ANO1: variants seen among roughly 807,000 people sequenced by gnomAD.
ANO1 encodes anoctamin-1.
ANO1 carries 59 observed loss-of-function variants against 124.0 expected under a neutral mutation model. The ratio of observed to expected loss-of-function variants is 0.48; its 90% CI spans 0.39 to 0.59. The LOEUF is 0.59. ANO1 is among the 20% of genes least tolerant of loss of function. The pLI is 0.00. For missense variants in ANO1, 1,059 were observed against 1,328.0 expected (o/e 0.80, Z 3.15); for synonymous variants, 529 against 532.0 (o/e 0.99, Z 0.08).
intron 1 of ANO1, among the ~76,000 whole-genome samples, chr11:70,034,339 C>G (rs2135038722): frequency 6.6e-6 from 1 of 152,162 alleles, no homozygotes; most frequent in East Asian, 1.9e-4. Flanking sequence ...AGCTGAGGGG[C>G]TCAGGAAGCT....
At chr11:70,031,721 A>T (rs1555003831) in intron 1 of ANO1, among the ~76,000 whole-genome samples, 1 of 152,166 alleles carries the variant, frequency 6.6e-6, no homozygotes. Flanking sequence ...AGTGGCTGTC[A>T]CTGCCGCTGT....
the ANO1 span, among the ~76,000 whole-genome samples, chr11:69,968,443 G>C: frequency 6.6e-6 from 1 of 152,198 alleles, no homozygotes; most frequent in Non-Finnish European, 1.5e-5. Context: ...GGAAAAGAAC[G>C]GATTTTTATT....
rs1370329749 is a variant in ANO1 at position 70,164,021 on chromosome 11, TC to T, written c.1950+682del. 2.6e-5 allele frequency among the ~76,000 whole-genome samples: 4 copies of T among 151,864 alleles called. No homozygotes were observed. The East Asian group carries it at 7.7e-4, about 29-fold the overall frequency. On this transcript the variant is annotated intron_variant, in intron 19 of 25. Transcript: ENST00000355303. ...TTTTTACTCGACATTGAAATGCTTGTCTCTTTACCCTCAAACACCATGCTGG... is the reference window on the plus strand; with the variant it reads ...TTTTTACTCGACATTGAAATGCTTGTTCTTTACCCTCAAACACCATGCTGG...
chr11:70,101,143 T>C (rs969897753), intron 2 of ANO1, among the ~76,000 whole-genome samples: 1 of 151,962 alleles, frequency 6.6e-6, no homozygotes, highest in African/African-American at 2.4e-5. Context: ...TCCTCGGTGG[T>C]CACCTGAGGT....
intron 1 of ANO1, among the ~76,000 whole-genome samples, chr11:69,990,482 A>G (rs1554997327): frequency 2.0e-5 from 3 of 152,160 alleles, no homozygotes. Flanking sequence ...TTGAGTTCCT[A>G]TTGTCAAATT....
At chr11:69,994,092 A>C (rs1856210983) in intron 1 of ANO1, among the ~76,000 whole-genome samples, 2 of 61,942 alleles carry the variant, frequency 3.2e-5, no homozygotes, top group African/African-American at 8.7e-5. Flanking sequence ...TACACCCCCA[A>C]TTTGTCGTTA....
At chr11:70,013,675 G>A (rs1309374290) in intron 1 of ANO1, among the ~76,000 whole-genome samples, 2 of 152,010 alleles carry the variant, frequency 1.3e-5, no homozygotes, top group Non-Finnish European at 2.9e-5. Context: ...GGTGACGCAT[G>A]CCTCAAGTCC....
chr11:70,045,330 A>G (rs1857242499), intron 1 of ANO1, among the ~76,000 whole-genome samples: 1 of 152,230 alleles, frequency 6.6e-6, no homozygotes, highest in African/African-American at 2.4e-5. Context: ...ACTCACAAGT[A>G]CTCTAGAAGC....
rs775016917 is a variant in ANO1, at chr11:70,078,681, C to G, written c.75C>G (p.Ile25Met). ...TCCACATCATCAACATCTGCGCCAT[C>G]GAGGACATCGGCTACCTGCCGTCCG... ...RSVHIINICAIEDIGYLPSEG... is the reference protein window; with the variant it reads ...RSVHIINICAMEDIGYLPSEG... Residue 25 changes from isoleucine (I) to methionine (M), a missense_variant, in exon 1 of 26, where the codon ATC (isoleucine) becomes ATG (methionine). By Grantham distance (10) the Ile-to-Met change is conservative. Around this residue, in one of 2 missense-constraint regions of ANO1, gnomAD observed 250 missense variants for 233.1 expected, o/e 1.07. Coordinates refer to ENST00000355303, the MANE Select transcript of ANO1 (RefSeq NM_018043.7). 5 of 1,493,784 alleles carry G rather than the reference C, an allele frequency of 3.3e-6. No individual in the cohort carries two copies. Among genetic ancestry groups the G allele is most frequent in the Middle Eastern group, 1.8e-4 (1 of 5,518 alleles). 92.5% of individuals were successfully genotyped at this position (1,493,784 alleles called of 1,614,324 possible).
chr11:70,065,920 C>T (rs573052983), intron 1 of ANO1, among the ~76,000 whole-genome samples: 6 of 152,252 alleles, frequency 3.9e-5, no homozygotes, highest in South Asian at 2.1e-4. Flanking sequence ...CCCCCACACT[C>T]GCTAGCCCGC....
intron 1 of ANO1, among the ~76,000 whole-genome samples, chr11:70,071,145 T>C (rs923200484): frequency 3.9e-5 from 6 of 152,234 alleles, no homozygotes; most frequent in African/African-American, 1.4e-4. Flanking sequence ...TCATCAGATA[T>C]GTTTTGTAAT....
intron 1 of ANO1, among the ~76,000 whole-genome samples, chr11:70,032,819 G>A (rs529182524): frequency 6.6e-6 from 1 of 152,220 alleles, no homozygotes; most frequent in African/African-American, 2.4e-5. Flanking sequence ...ACACATAGGA[G>A]GAGGAGGGAA....
intron 1 of ANO1, among the ~76,000 whole-genome samples, chr11:70,008,827 T>G (rs529909004): frequency 6.6e-6 from 1 of 152,172 alleles, no homozygotes; most frequent in Non-Finnish European, 1.5e-5. Flanking sequence ...TCACTGGCCA[T>G]AGGGAAGGCC....
chr11:70,146,153 C>T (rs970675744), intron 11 of ANO1, among the ~76,000 whole-genome samples: 7 of 152,094 alleles, frequency 4.6e-5, no homozygotes, highest in Non-Finnish European at 1.0e-4. Context: ...GGTCCAGTAT[C>T]GTGGTTCTGT....
chr11:70,101,112 G>C (rs996429516), intron 2 of ANO1, among the ~76,000 whole-genome samples: 6 of 151,938 alleles, frequency 3.9e-5, no homozygotes, highest in Non-Finnish European at 8.8e-5. Flanking sequence ...ATGAAGCTGG[G>C]GTGTCAAGGA....
chr11:69,972,912 C>CTTTTTTTTTT, the ANO1 span, among the ~76,000 whole-genome samples: 2 of 144,376 alleles, frequency 1.4e-5, no homozygotes, highest in Non-Finnish European at 1.5e-5. Flanking sequence ...TTTTCTTTTT[C>CTTTTTTTTTT]TTTCTTTTTT....
chr11:70,091,346 G>T lies in ANO1; in HGVS notation c.441+3262G>T, dbSNP rs568412914. 3.3e-4 allele frequency among the ~76,000 whole-genome samples: 51 copies of T among 152,306 alleles called. No individual in the cohort carries two copies. In the East Asian group the frequency reaches 7.3e-3, roughly 22 times the overall value. On this transcript the variant is annotated intron_variant, in intron 2 of 25. Coordinates refer to ENST00000355303, the MANE Select transcript of ANO1 (RefSeq NM_018043.7). Reference sequence around the variant, plus strand: ...GCTTTCCTGGGGAGAAAAATCCACAGAGTCTATCAGATTCTCACACTGTCT... The same window carrying T: ...GCTTTCCTGGGGAGAAAAATCCACATAGTCTATCAGATTCTCACACTGTCT...
chr11:70,057,799 A>T (rs898774481), intron 1 of ANO1, among the ~76,000 whole-genome samples: 2 of 152,220 alleles, frequency 1.3e-5, no homozygotes, highest in African/African-American at 4.8e-5. Context: ...GCTTCAGGCC[A>T]TCTAGATGTA....
Position 70,108,333 on chromosome 11 carries a change from C to A in ANO1, c.748-20C>A, listed in dbSNP as rs181250366. The A allele has an allele frequency of 2.1e-5, 34 of 1,605,078 alleles. No individual in the cohort carries two copies. Among genetic ancestry groups the A allele is most frequent in the African/African-American group, 5.3e-5 (4 of 74,792 alleles). On this transcript the variant is annotated intron_variant, in intron 5 of 25. Coordinates refer to ENST00000355303, the MANE Select transcript of ANO1 (RefSeq NM_018043.7). ...GGTGCCTTAAGTAACTGCTCACCCC[C>A]CTTCTTGTCTCTGCAATAGGTCTAT...
Sources: allele counts gnomAD v4.1 joint callset (sites outside exome capture counted in the v4.1 genomes callset), GRCh38; gene constraint gnomAD v4.1.1; regional missense constraint gnomAD v4.1.1; transcripts MANE v1.5; gene names NCBI Gene and HGNC (gene_info 2026-07-23, HGNC 2026-07-21).